NCKAP1: variants seen among roughly 807,000 people sequenced by gnomAD.
NCKAP1 encodes NCK associated protein 1, also known as nck-associated protein 1.
NCKAP1 carries 21 observed loss-of-function variants against 151.2 expected under a neutral mutation model. The ratio of observed to expected loss-of-function variants is 0.14; its 90% CI spans 0.10 to 0.20. The LOEUF (loss-of-function observed/expected upper bound fraction) is 0.20, where lower values mean the gene tolerates loss of function less well. Among genes scored for constraint, NCKAP1 ranks in the 10% least tolerant of loss-of-function variants. NCKAP1 has a pLI of 1.00. For synonymous variants in NCKAP1, 484 were observed against 451.8 expected, an observed-to-expected ratio of 1.07 and a Z score of -0.90; for missense variants, 933 against 1,352.1, an observed-to-expected ratio of 0.69 and a Z score of 4.86.
chr2:182,972,150 A>T (rs1697709357), intron 15 of NCKAP1, among the ~76,000 whole-genome samples: 1 of 151,502 alleles, frequency 6.6e-6, no homozygotes, highest in South Asian at 2.1e-4. Flanking sequence ...AGAATGAGAG[A>T]AAATATCTAC....
intron 1 of NCKAP1, among the ~76,000 whole-genome samples, chr2:183,036,035 T>C (rs1305763669): frequency 6.6e-6 from 1 of 152,138 alleles, no homozygotes. Context: ...ATCAAAATAT[T>C]TGACATGGAT....
chr2:183,015,854 GATAA>G (rs1698673802), intron 2 of NCKAP1, among the ~76,000 whole-genome samples: 1 of 149,080 alleles, frequency 6.7e-6, no homozygotes, highest in African/African-American at 2.5e-5. Flanking sequence ...AGGACAAATG[GATAA>G]ATAACCAAGG....
chr2:182,982,827 A>G lies in NCKAP1; in HGVS notation c.1202T>C (p.Ile401Thr), dbSNP rs1697967422. 1 of 1,586,614 alleles carries G rather than the reference A, an allele frequency of 6.3e-7. No individual in the cohort carries two copies. The highest frequency in any genetic ancestry group is 1.4e-5 in the African/African-American group (1 of 73,420). Residue 401 changes from isoleucine (I) to threonine (T), a missense_variant, in exon 12 of 31, where the codon ATA becomes ACA. Physicochemically the swap from Ile to Thr is moderately conservative, Grantham distance 89. This residue lies in a region of NCKAP1 where 607 missense variants were observed against 795.0 expected (regional missense o/e 0.76). Transcript: ENST00000361354. ...NMPKKSADDF[I>T]DKHIAELIFY... is the part of the protein sequence containing the mutation. ...TTAAATGTTGCTAACTTACTTATCT[A>G]TAAAGTCGTCTGCACTCTTCTTTGG...
chr2:182,956,427 G>C (rs753830602), intron 20 of NCKAP1, 35 bp downstream of exon 20: 4 of 1,590,790 alleles, frequency 2.5e-6, no homozygotes, highest in Non-Finnish European at 3.4e-6. Context: ...TCATTACTGA[G>C]TCAACAAACA....
At chr2:182,944,062 T>G (rs779932461) in intron 23 of NCKAP1, among the ~76,000 whole-genome samples, 4 of 152,202 alleles carry the variant, frequency 2.6e-5, no homozygotes, top group Non-Finnish European at 5.9e-5. Context: ...AAAACCTGCA[T>G]TTTTAACCAG....
At chr2:182,935,640 A>G (rs1394359974) in intron 24 of NCKAP1, 1 of 197,242 alleles carries the variant, frequency 5.1e-6, no homozygotes, top group Non-Finnish European at 1.0e-5. Context: ...GTTCACAAGT[A>G]GCTAACTATA....
At chr2:182,960,545 C>G (rs978895734) in intron 18 of NCKAP1, among the ~76,000 whole-genome samples, 3 of 152,306 alleles carry the variant, frequency 2.0e-5, no homozygotes, top group Admixed American at 6.5e-5. Flanking sequence ...AAAGCTGAAA[C>G]TGGATCCCTT....
chr2:182,968,929 T>A (rs1411129703), intron 15 of NCKAP1, among the ~76,000 whole-genome samples: 1 of 152,202 alleles, frequency 6.6e-6, no homozygotes, highest in Admixed American at 6.5e-5. Flanking sequence ...AAGGAGACTT[T>A]TGTATTTTGT....
chr2:182,981,142 T>G, intron 13 of NCKAP1, 102 bp downstream of exon 13: 1 of 1,388,720 alleles, frequency 7.2e-7, no homozygotes, highest in South Asian at 1.4e-5. Context: ...ATTTATCACT[T>G]GGCACATGAT....
At chr2:183,021,830 T>C (rs921205284) in intron 2 of NCKAP1, among the ~76,000 whole-genome samples, 10 of 152,124 alleles carry the variant, frequency 6.6e-5, no homozygotes, top group African/African-American at 2.2e-4. Context: ...ACAAAGTTTC[T>C]TTGGGTGGTG....
rs1191617653 is a variant in NCKAP1, at chr2:182,909,644, TTTTA to T, written c.*16054_*16057del. 1 of 152,250 alleles carries T rather than the reference TTTTA, an allele frequency of 6.6e-6. No individual in the cohort carries two copies. Among genetic ancestry groups the T allele is most frequent in the Non-Finnish European group, 1.5e-5 (1 of 68,050 alleles). The allele number at this position is 152,250 out of a possible 1,614,324, so 9.4% of individuals were successfully genotyped here. On this transcript the variant is annotated 3_prime_UTR_variant, in exon 31 of 31. Coordinates refer to ENST00000361354, the MANE Select transcript of NCKAP1 (RefSeq NM_013436.5). ...TACTGCCTTTTCTTGTATGTTGTTG[TTTTA>T]TTTGTTTAAGTAAACAATCACTTTT...
chr2:182,944,399 A>G (rs558522325), intron 23 of NCKAP1, among the ~76,000 whole-genome samples: 14 of 152,178 alleles, frequency 9.2e-5, no homozygotes, highest in Non-Finnish European at 1.3e-4. Context: ...GTCCTTTAGG[A>G]TCCCATGAAG....
intron 2 of NCKAP1, among the ~76,000 whole-genome samples, chr2:183,011,920 G>A (rs1698596939): frequency 6.6e-6 from 1 of 152,158 alleles, no homozygotes; most frequent in African/African-American, 2.4e-5. Flanking sequence ...CATTGTGGGA[G>A]AAGCTGAGAA....
Position 182,912,528 on chromosome 2 carries a change from A to G in NCKAP1, c.*13174T>C, listed in dbSNP as rs1696411340. 6.6e-6 allele frequency: 1 copy of G among 152,208 alleles called. No homozygotes were observed. The highest frequency in any genetic ancestry group is 1.5e-5 in the Non-Finnish European group (1 of 68,030). The allele number at this position is 152,208 out of a possible 1,614,324, so 9.4% of individuals were successfully genotyped here. A position where few individuals can be genotyped will look rare whatever the true frequency, so the allele number is the denominator to read the frequency against. On this transcript the variant is annotated 3_prime_UTR_variant, in exon 31 of 31. Coordinates refer to ENST00000361354, the MANE Select transcript of NCKAP1 (RefSeq NM_013436.5). ...ATATATTCAGAAAGGCATTTTTCTC[A>G]GCAAAAGGGAAAAAGTACGAATTAG...
intron 10 of NCKAP1, among the ~76,000 whole-genome samples, chr2:182,985,278 A>G (rs1218714457): frequency 6.6e-6 from 1 of 152,202 alleles, no homozygotes; most frequent in Admixed American, 6.5e-5. Context: ...ATATAGAAAT[A>G]CTGATAGATC....
At chr2:182,948,528 T>G (rs2105818003) in intron 23 of NCKAP1, among the ~76,000 whole-genome samples, 1 of 152,270 alleles carries the variant, frequency 6.6e-6, no homozygotes, top group African/African-American at 2.4e-5. Flanking sequence ...AGAATATATT[T>G]GATAACATTC....
intron 24 of NCKAP1, among the ~76,000 whole-genome samples, chr2:182,941,633 G>A (rs768719254): frequency 1.3e-5 from 2 of 152,134 alleles, no homozygotes; most frequent in Non-Finnish European, 2.9e-5. Flanking sequence ...CTGTGGCAAT[G>A]GTTATATGAA....
chr2:182,957,247 T>C, intron 19 of NCKAP1: 1 of 443,582 alleles, frequency 2.3e-6, no homozygotes, highest in South Asian at 6.6e-5. Flanking sequence ...ATATCAACTA[T>C]TACATATATT....
chr2:182,951,636 C>CAAAAAAAAAA (rs11336221), intron 23 of NCKAP1, among the ~76,000 whole-genome samples: 4 of 90,772 alleles, frequency 4.4e-5, no homozygotes, highest in East Asian at 7.8e-4. Flanking sequence ...GACTCCATCT[C>CAAAAAAAAAA]AAAAAAAAAA....
Sources: allele counts gnomAD v4.1 joint callset (sites outside exome capture counted in the v4.1 genomes callset), GRCh38; gene constraint gnomAD v4.1.1; regional missense constraint gnomAD v4.1.1; transcripts MANE v1.5; gene names NCBI Gene and HGNC (gene_info 2026-07-23, HGNC 2026-07-21).